MARCHF1: variants seen among roughly 807,000 people sequenced by gnomAD.
MARCHF1 encodes the protein membrane associated ring-CH-type finger 1.
A neutral mutation model predicts 54.2 loss-of-function variants in MARCHF1; 40 were observed. That is an observed-to-expected ratio of 0.74 (90% CI 0.57 to 0.96). MARCHF1 has a LOEUF of 0.96. Among genes scored for constraint, MARCHF1 ranks in the 40% least tolerant of loss-of-function variants. MARCHF1 has a pLI of 0.00. For missense variants in MARCHF1, 586 were observed against 656.5 expected, an observed-to-expected ratio of 0.89 and a Z score of 1.17; for synonymous variants, 236 against 236.3, an observed-to-expected ratio of 1.00 and a Z score of 0.01.
At chr4:163,705,015 C>A (rs573168663) in intron 4 of MARCHF1, among the ~76,000 whole-genome samples, 2 of 151,460 alleles carry the variant, frequency 1.3e-5, no homozygotes, top group East Asian at 1.9e-4. Flanking sequence ...ATTATTGCAA[C>A]AAATATGAAA....
chr4:163,915,995 CAATT>C (rs1466158520), intron 3 of MARCHF1, among the ~76,000 whole-genome samples: 2 of 152,092 alleles, frequency 1.3e-5, no homozygotes, highest in Non-Finnish European at 2.9e-5. Flanking sequence ...TGAAGGATGG[CAATT>C]AATTCTGCCT....
chr4:163,822,542 T>G (rs943979480), intron 4 of MARCHF1, among the ~76,000 whole-genome samples: 1 of 151,920 alleles, frequency 6.6e-6, no homozygotes, highest in Non-Finnish European at 1.5e-5. Context: ...TTTTAATGTT[T>G]GATCATTCAA....
chr4:163,929,289 C>T (rs918449158), intron 3 of MARCHF1, among the ~76,000 whole-genome samples: 3 of 151,938 alleles, frequency 2.0e-5, no homozygotes, highest in Admixed American at 2.0e-4. Context: ...AGTCTTTCAA[C>T]AGTAAAATGG....
intron 4 of MARCHF1, among the ~76,000 whole-genome samples, chr4:163,744,277 G>A (rs1746294179): frequency 6.6e-6 from 1 of 152,040 alleles, no homozygotes; most frequent in South Asian, 2.1e-4. Context: ...CTCAGGGTTA[G>A]GTTTTTCATA....
chr4:164,250,193 G>C (rs1484911515), intron 1 of MARCHF1, among the ~76,000 whole-genome samples: 1 of 152,106 alleles, frequency 6.6e-6, no homozygotes, highest in Non-Finnish European at 1.5e-5. Flanking sequence ...TTTGGGGTGA[G>C]TTATGTGCAT....
At chr4:164,080,599 T>A (rs1210893853) in intron 2 of MARCHF1, among the ~76,000 whole-genome samples, 1 of 152,056 alleles carries the variant, frequency 6.6e-6, no homozygotes, top group Admixed American at 6.6e-5. Flanking sequence ...TCCTAAAATT[T>A]GTTTTTTATT....
chr4:164,043,421 C>A (rs1183934642), intron 2 of MARCHF1, among the ~76,000 whole-genome samples: 1 of 152,134 alleles, frequency 6.6e-6, no homozygotes. Context: ...CAAGCTGTAC[C>A]TTTACCACTT....
chr4:163,862,939 G>T (rs1579349647), intron 3 of MARCHF1, among the ~76,000 whole-genome samples: 1 of 151,994 alleles, frequency 6.6e-6, no homozygotes, highest in East Asian at 1.9e-4. Flanking sequence ...AATGCATATT[G>T]CTACATTAAA....
intron 4 of MARCHF1, among the ~76,000 whole-genome samples, chr4:163,720,837 A>G (rs1745428514): frequency 6.6e-6 from 1 of 152,084 alleles, no homozygotes; most frequent in African/African-American, 2.4e-5. Context: ...TTTGTCTGTT[A>G]TTGGTGTATA....
At chr4:164,035,678 CA>C (rs535701578) in intron 2 of MARCHF1, among the ~76,000 whole-genome samples, 5 of 145,796 alleles carry the variant, frequency 3.4e-5, no homozygotes, top group African/African-American at 5.0e-5. Context: ...TTCACACAGA[CA>C]AAAAAAATAA....
chr4:163,894,562 T>TATATATATATGCATATATGCATGTGATGC lies in MARCHF1; in HGVS notation c.-38-40394_-38-40393insGCATCACATGCATATATGCATATATATAT, dbSNP rs763352835. On this transcript the variant is annotated intron_variant, in intron 3 of 9. Transcript: ENST00000514618. ...TAAGAAATCTACTCCTGCACATGCA[T>TATATATATATGCATATATGCATGTGATGC]ATATATATATGCATGTGATGCATAT... is the stretch of plus-strand genomic sequence containing the variant. Among the ~76,000 whole-genome samples, 10 of 127,946 alleles carry TATATATATATGCATATATGCATGTGATGC rather than the reference T, an allele frequency of 7.8e-5. 2 individuals are homozygous for TATATATATATGCATATATGCATGTGATGC. The highest frequency in any genetic ancestry group is 8.6e-5 in the Non-Finnish European group (5 of 57,820). 83.9% of individuals were successfully genotyped at this position (127,946 alleles called of 152,430 possible). A position where few individuals can be genotyped will look rare whatever the true frequency, so the allele number is the denominator to read the frequency against.
At chr4:163,650,075 G>A (rs1460438329) in intron 5 of MARCHF1, among the ~76,000 whole-genome samples, 1 of 151,896 alleles carries the variant, frequency 6.6e-6, no homozygotes, top group African/African-American at 2.4e-5. Flanking sequence ...ACAGTACAAT[G>A]AGTGAGTAAA....
At chr4:163,945,417 T>C (rs1752004943) in intron 3 of MARCHF1, among the ~76,000 whole-genome samples, 1 of 152,188 alleles carries the variant, frequency 6.6e-6, no homozygotes, top group Admixed American at 6.5e-5. Context: ...GGGTTGATTA[T>C]GGTGAGCAGC....
intron 4 of MARCHF1, among the ~76,000 whole-genome samples, chr4:163,731,905 C>T (rs1369792357): frequency 3.3e-5 from 5 of 152,044 alleles, no homozygotes; most frequent in Non-Finnish European, 5.9e-5. Flanking sequence ...CAAATAAAAG[C>T]GAAACCTAAA....
intron 3 of MARCHF1, among the ~76,000 whole-genome samples, chr4:163,881,261 G>A (rs1341938301): frequency 3.9e-5 from 6 of 152,138 alleles, no homozygotes; most frequent in Non-Finnish European, 1.5e-5. Flanking sequence ...GATTATCTGA[G>A]TTTAGGAGTT....
chr4:163,982,924 A>G (rs1163763094), intron 3 of MARCHF1, among the ~76,000 whole-genome samples: 1 of 152,220 alleles, frequency 6.6e-6, no homozygotes, highest in Middle Eastern at 3.2e-3. Flanking sequence ...GGAATCAAGT[A>G]TCCATTCCTG....
At position 163,528,622 on chromosome 4, in the gene MARCHF1, G is replaced by GA. The variant is rs959366146; in HGVS notation, c.*125dup. The GA allele has an allele frequency of 1.3e-5, 13 of 999,526 alleles. No individual in the cohort carries two copies. The highest frequency in any genetic ancestry group is 9.8e-5 in the African/African-American group (6 of 61,196). The allele number at this position is 999,526 out of a possible 1,614,324, so 61.9% of individuals were successfully genotyped here. ...TCCTTTCCTCTTTGAACAAAGTCAGGAAAAATGTGTCAGTAGGAGAAAGGA... is the reference window on the plus strand; with the variant it reads ...TCCTTTCCTCTTTGAACAAAGTCAGGAAAAAATGTGTCAGTAGGAGAAAGGA... On this transcript the variant is annotated 3_prime_UTR_variant, in exon 10 of 10. Transcript: ENST00000514618.
At chr4:164,251,461 C>T (rs138536762) in intron 1 of MARCHF1, among the ~76,000 whole-genome samples, 2 of 152,236 alleles carry the variant, frequency 1.3e-5, no homozygotes, top group African/African-American at 2.4e-5. Context: ...TAGTCAAATC[C>T]TGCACAGCCC....
rs1450282465 is a variant in MARCHF1, at chr4:163,545,645, A to G, written c.1290T>C (p.Tyr430=). ...CCTCCGCTGTCCGGTCTATCAATAC[A>G]TACAAAGACCAAACCACACAGGTGA... ...IAITCVVWSL[Y]VLIDRTAEEI... Residue 430 remains tyrosine (Y), a synonymous_variant, in exon 9 of 10, where the codon TAT becomes TAC. Transcript: ENST00000514618. 5 of 1,613,988 alleles carry G rather than the reference A, an allele frequency of 3.1e-6. No homozygotes were observed. Among genetic ancestry groups the G allele is most frequent in the South Asian group, 1.1e-5 (1 of 91,074 alleles).
Sources: allele counts gnomAD v4.1 joint callset (sites outside exome capture counted in the v4.1 genomes callset), GRCh38; gene constraint gnomAD v4.1.1; transcripts MANE v1.5; gene names NCBI Gene and HGNC (gene_info 2026-07-23, HGNC 2026-07-21).